The following AOPEP variants were observed in gnomAD, a reference collection of about 807,000 sequenced individuals.
AOPEP encodes the protein aminopeptidase O.
In AOPEP, 77 loss-of-function variants were observed where a neutral mutation model predicts 98.1. That is an observed-to-expected ratio of 0.78 (90% CI 0.65 to 0.95). AOPEP has a LOEUF of 0.95. AOPEP is among the 40% of genes least tolerant of loss of function. The pLI, the probability that AOPEP is intolerant of heterozygous loss-of-function variation, is 0.00. For missense variants in AOPEP, 1,024 were observed against 1,024.7 expected (o/e 1.00, Z 0.01); for synonymous variants, 346 against 365.3 (o/e 0.95, Z 0.60).
chr9:95,120,757 G>A, the AOPEP span, among the ~76,000 whole-genome samples: 13 of 152,078 alleles, frequency 8.5e-5, no homozygotes, highest in African/African-American at 1.2e-4. Flanking sequence ...TCAATCTGAC[G>A]TTTCTGCCTT....
intron 5 of AOPEP, among the ~76,000 whole-genome samples, chr9:94,851,432 A>G (rs528360711): frequency 4.9e-4 from 75 of 152,188 alleles, no homozygotes; most frequent in Non-Finnish European, 9.3e-4. Context: ...CAGTATGCAT[A>G]GGTAATTAAA....
intron 1 of AOPEP, among the ~76,000 whole-genome samples, chr9:94,755,471 A>G (rs1369374946): frequency 6.6e-6 from 1 of 152,242 alleles, no homozygotes; most frequent in East Asian, 1.9e-4. Flanking sequence ...AGTAAGACAT[A>G]GACAAATAAG....
chr9:94,869,873 G>A (rs983972872), intron 5 of AOPEP, among the ~76,000 whole-genome samples: 6 of 151,978 alleles, frequency 3.9e-5, no homozygotes, highest in African/African-American at 1.2e-4. Flanking sequence ...CCTTTGATAG[G>A]AGTGGCATTA....
chr9:94,927,487 C>T (rs1200550545), intron 6 of AOPEP, among the ~76,000 whole-genome samples: 1 of 152,170 alleles, frequency 6.6e-6, no homozygotes, highest in East Asian at 1.9e-4. Context: ...TCACACACTT[C>T]CTGGCCCGAC....
At chr9:94,869,953 G>A (rs1041870664) in intron 5 of AOPEP, among the ~76,000 whole-genome samples, 19 of 151,650 alleles carry the variant, frequency 1.3e-4, no homozygotes, top group Middle Eastern at 6.8e-3. Context: ...GCAGGAGAGG[G>A]AGGAATAGAA....
At chr9:94,905,840 G>T (rs1168161233) in intron 5 of AOPEP, among the ~76,000 whole-genome samples, 2 of 152,060 alleles carry the variant, frequency 1.3e-5, no homozygotes, top group African/African-American at 2.4e-5. Context: ...AGACACTGAG[G>T]GAACCATCCA....
At chr9:94,774,876 T>A (rs1480164211) in intron 3 of AOPEP, among the ~76,000 whole-genome samples, 1 of 152,210 alleles carries the variant, frequency 6.6e-6, no homozygotes, top group Non-Finnish European at 1.5e-5. Flanking sequence ...GCAGCAGGTC[T>A]CTCTTTAATT....
intron 3 of AOPEP, among the ~76,000 whole-genome samples, chr9:94,778,754 G>A (rs186848294): frequency 2.0e-5 from 3 of 152,280 alleles, no homozygotes; most frequent in African/African-American, 2.4e-5. Flanking sequence ...ATGGCCAGGC[G>A]TGGTGGCTCA....
At chr9:94,989,169 T>G (rs746485909) in intron 11 of AOPEP, among the ~76,000 whole-genome samples, 1 of 152,102 alleles carries the variant, frequency 6.6e-6, no homozygotes. Context: ...TGGCATGATC[T>G]CTGCTCACTG....
chr9:95,142,289 G>A, the AOPEP span, among the ~76,000 whole-genome samples: 1 of 151,692 alleles, frequency 6.6e-6, no homozygotes, highest in African/African-American at 2.4e-5. Context: ...CACCGTGCCC[G>A]GCCACCAACA....
intron 5 of AOPEP, among the ~76,000 whole-genome samples, chr9:94,834,808 GCA>G (rs2041364122): frequency 9.7e-6 from 1 of 102,690 alleles, no homozygotes; most frequent in Non-Finnish European, 1.8e-5. Context: ...ATGCATGCAT[GCA>G]TGCATACATA....
chr9:94,769,504 T>C (rs1045764099), intron 2 of AOPEP, among the ~76,000 whole-genome samples: 1 of 152,212 alleles, frequency 6.6e-6, no homozygotes, highest in Non-Finnish European at 1.5e-5. Context: ...CTCCCTCTTA[T>C]GTGATTGTTT....
intron 13 of AOPEP, among the ~76,000 whole-genome samples, chr9:95,045,539 G>T (rs984115065): frequency 6.6e-6 from 1 of 152,248 alleles, no homozygotes; most frequent in Admixed American, 6.5e-5. Flanking sequence ...GTGCGGTCAA[G>T]GATGCTGGTG....
chr9:94,799,582 G>A (rs554230170), intron 4 of AOPEP, among the ~76,000 whole-genome samples: 16 of 152,188 alleles, frequency 1.1e-4, no homozygotes, highest in African/African-American at 3.9e-4. Context: ...ATAATAATAG[G>A]CCGGTTGCGG....
At chr9:95,140,496 CA>C in the AOPEP span, among the ~76,000 whole-genome samples, 8 of 152,094 alleles carry the variant, frequency 5.3e-5, no homozygotes, top group African/African-American at 1.9e-4. Context: ...CAAAACAAAA[CA>C]AAACCAGAAT....
At chr9:95,051,798 G>T (rs1235424417) in intron 13 of AOPEP, among the ~76,000 whole-genome samples, 1 of 151,742 alleles carries the variant, frequency 6.6e-6, no homozygotes, top group Non-Finnish European at 1.5e-5. Flanking sequence ...CTGCCTCCCA[G>T]GTTCACGCCA....
Position 95,081,020 on chromosome 9 carries a change from G to A in AOPEP, c.2319+240G>A, listed in dbSNP as rs75662384. 2.8e-3 allele frequency: 1,425 copies of A among 515,890 alleles called. 21 individuals are homozygous for A. Among genetic ancestry groups the A allele is most frequent in the African/African-American group, 0.025 (1,309 of 52,030 alleles). 32.0% of individuals were successfully genotyped at this position (515,890 alleles called of 1,614,324 possible). A position where few individuals can be genotyped will look rare whatever the true frequency, so the allele number is the denominator to read the frequency against. On this transcript the variant is annotated intron_variant, in intron 15 of 16. Transcript: ENST00000375315. ...CCGCCTTGTGGCCCACACGTCATCC[G>A]ATGCTGCGTGCTCACACTTCACGGC... is the stretch of plus-strand genomic sequence containing the variant.
chr9:94,793,065 T>A, intron 4 of AOPEP, 147 bp downstream of exon 4: 1 of 985,584 alleles, frequency 1.0e-6, no homozygotes, highest in African/African-American at 1.6e-5. Context: ...GGAAAAGCCC[T>A]ATTAGAAAGG....
At chr9:94,873,316 C>G (rs1317884976) in intron 5 of AOPEP, among the ~76,000 whole-genome samples, 1 of 152,146 alleles carries the variant, frequency 6.6e-6, no homozygotes, top group Non-Finnish European at 1.5e-5. Flanking sequence ...TTTTACTTGT[C>G]TTACTTCAAA....
Sources: allele counts gnomAD v4.1 joint callset (sites outside exome capture counted in the v4.1 genomes callset), GRCh38; gene constraint gnomAD v4.1.1; transcripts MANE v1.5; gene names NCBI Gene and HGNC (gene_info 2026-07-23, HGNC 2026-07-21).